Variants in EIF3H observed in about 807,000 individuals in gnomAD.
EIF3H encodes eIF-3-gamma.
EIF3H carries 26 observed loss-of-function variants against 44.2 expected under a neutral mutation model. The ratio of observed to expected loss-of-function variants is 0.59; its 90% CI spans 0.43 to 0.82. EIF3H has a LOEUF of 0.82. Ranked by LOEUF, EIF3H falls within the 40% of genes least tolerant of loss-of-function variation. EIF3H has a pLI of 0.00. For synonymous variants in EIF3H, 166 were observed against 151.9 expected (o/e 1.09, Z -0.68); for missense variants, 359 against 432.8 (o/e 0.83, Z 1.51).
intron 5 of EIF3H, among the ~76,000 whole-genome samples, chr8:116,650,668 CTCTTT>C (rs1813373431): frequency 6.6e-6 from 1 of 152,064 alleles, no homozygotes. Flanking sequence ...TATTGTAGGA[CTCTTT>C]TCTTTTTTTT....
chr8:116,708,169 C>A (rs1033579052), intron 2 of EIF3H, among the ~76,000 whole-genome samples: 1 of 151,836 alleles, frequency 6.6e-6, no homozygotes, highest in Non-Finnish European at 1.5e-5. Flanking sequence ...TAAGTTACAC[C>A]GGAATTTGGA....
At chr8:116,728,051 A>G (rs541299675) in intron 1 of EIF3H, among the ~76,000 whole-genome samples, 46 of 152,302 alleles carry the variant, frequency 3.0e-4, no homozygotes, top group South Asian at 8.3e-4. Context: ...AAATTACAAC[A>G]CATGGCTTTT....
intron 7 of EIF3H, 130 bp from the exon 8 acceptor site, chr8:116,645,233 T>G: frequency 1.5e-6 from 1 of 678,268 alleles, no homozygotes; most frequent in Non-Finnish European, 2.5e-6. Flanking sequence ...AGAGTTTATT[T>G]TTCCATAAGG....
chr8:116,678,203 C>G (rs1260388560), intron 2 of EIF3H, among the ~76,000 whole-genome samples: 4 of 151,788 alleles, frequency 2.6e-5, no homozygotes, highest in South Asian at 2.1e-4. Context: ...CTGTGTTGGC[C>G]GGGCTGGTCT....
At position 116,657,299 on chromosome 8, in the gene EIF3H, G is replaced by C; in HGVS notation, c.473C>G (p.Ala158Gly). 1 of 1,613,178 alleles carries C rather than the reference G, an allele frequency of 6.2e-7. No individual in the cohort carries two copies. The change falls in exon 4 of 8, where the codon GCC becomes GGC. Residue 158 changes from alanine (A) to glycine (G), a missense_variant. Around this residue, in one of 5 missense-constraint regions of EIF3H, gnomAD observed 85 missense variants for 79.2 expected, o/e 1.07. Coordinates refer to ENST00000521861, the MANE Select transcript of EIF3H (RefSeq NM_003756.3). ...VVLIYDPIKT[A>G]QGSLSLKAYR... The stretch of plus-strand genomic sequence containing the variant: ...TGCCTTTAGTGAGAGAGATCCTTGG[G>C]CAGTTTTTATGGGATCTCAAACAAG...
At chr8:116,692,332 T>C (rs778776779) in intron 2 of EIF3H, among the ~76,000 whole-genome samples, 51 of 152,096 alleles carry the variant, frequency 3.4e-4, no homozygotes, top group Admixed American at 3.1e-3. Flanking sequence ...TTCCTCTCAA[T>C]AGAAAATTCT....
intron 1 of EIF3H, among the ~76,000 whole-genome samples, chr8:116,730,945 G>C (rs1814941219): frequency 6.6e-6 from 1 of 152,242 alleles, no homozygotes; most frequent in African/African-American, 2.4e-5. Context: ...TAAGCTGACA[G>C]GGAATTTAGC....
chr8:116,730,614 GTA>G (rs1325308487), intron 1 of EIF3H, among the ~76,000 whole-genome samples: 1 of 152,150 alleles, frequency 6.6e-6, no homozygotes, highest in African/African-American at 2.4e-5. Flanking sequence ...AATTTGCCAT[GTA>G]TATATATTTC....
intron 2 of EIF3H, among the ~76,000 whole-genome samples, chr8:116,692,360 T>A (rs1275787170): frequency 6.6e-6 from 1 of 152,096 alleles, no homozygotes; most frequent in Non-Finnish European, 1.5e-5. Context: ...TTTAAAAGAT[T>A]ATATATTTAC....
At chr8:116,697,458 GA>G (rs1469680857) in intron 2 of EIF3H, among the ~76,000 whole-genome samples, 5 of 152,106 alleles carry the variant, frequency 3.3e-5, no homozygotes, top group African/African-American at 1.2e-4. Context: ...TGGGAACAAA[GA>G]AGTCCAGTCC....
At chr8:116,764,232 C>G (rs1467953341) in intron 1 of EIF3H, among the ~76,000 whole-genome samples, 1 of 151,884 alleles carries the variant, frequency 6.6e-6, no homozygotes, top group Non-Finnish European at 1.5e-5. Context: ...AGTATAAGGT[C>G]AAAAAAATTT....
At chr8:116,684,206 C>A (rs1814036799) in intron 2 of EIF3H, among the ~76,000 whole-genome samples, 1 of 152,194 alleles carries the variant, frequency 6.6e-6, no homozygotes, top group African/African-American at 2.4e-5. Context: ...AAGAGATGCT[C>A]TTATACAACC....
At chr8:116,752,718 A>AG (rs527475945) in intron 1 of EIF3H, among the ~76,000 whole-genome samples, 110 of 121,948 alleles carry the variant, frequency 9.0e-4, no homozygotes, top group African/African-American at 2.0e-3. Flanking sequence ...GAAAGAAAGA[A>AG]AGAAAGAAAG....
chr8:116,711,125 A>G (rs1814566865), intron 2 of EIF3H, among the ~76,000 whole-genome samples: 1 of 152,228 alleles, frequency 6.6e-6, no homozygotes, highest in Non-Finnish European at 1.5e-5. Context: ...GTTGCCCAGA[A>G]GATGAGGAGA....
In EIF3H at chr8:116,644,983, T is replaced by G; in HGVS notation, c.*23A>C. On this transcript the variant is annotated 3_prime_UTR_variant, in exon 8 of 8. Coordinates refer to ENST00000521861, the MANE Select transcript of EIF3H (RefSeq NM_003756.3). ...GTGACTTCAAGAGTTCATGTTAACT[T>G]CTTTTCTGGAAACTTCCTTTTCTTA... 6.3e-7 allele frequency: 1 copy of G among 1,586,084 alleles called. No homozygotes were observed. The highest frequency in any genetic ancestry group is 8.7e-7 in the Non-Finnish European group (1 of 1,155,402).
At chr8:116,693,102 C>T (rs947833990) in intron 2 of EIF3H, among the ~76,000 whole-genome samples, 3 of 152,146 alleles carry the variant, frequency 2.0e-5, no homozygotes, top group Non-Finnish European at 4.4e-5. Context: ...TGTTATCCTT[C>T]CTGAACCCTA....
chr8:116,763,249 G>A (rs779922803), intron 1 of EIF3H, among the ~76,000 whole-genome samples: 21 of 152,020 alleles, frequency 1.4e-4, no homozygotes, highest in Non-Finnish European at 2.8e-4. Flanking sequence ...ATTCAATTTC[G>A]CATAACAGAG....
intron 2 of EIF3H, among the ~76,000 whole-genome samples, chr8:116,702,794 T>C (rs1351293738): frequency 2.6e-5 from 4 of 152,130 alleles, no homozygotes; most frequent in South Asian, 4.1e-4. Context: ...TTAAAAACCT[T>C]AGAAATCATT....
intron 5 of EIF3H, among the ~76,000 whole-genome samples, chr8:116,655,100 A>T (rs1813467277): frequency 6.6e-6 from 1 of 151,988 alleles, no homozygotes; most frequent in Admixed American, 6.6e-5. Flanking sequence ...ACCACAGACA[A>T]AATAATCACT....
Sources: allele counts gnomAD v4.1 joint callset (sites outside exome capture counted in the v4.1 genomes callset), GRCh38; gene constraint gnomAD v4.1.1; regional missense constraint gnomAD v4.1.1; transcripts MANE v1.5; gene names NCBI Gene and HGNC (gene_info 2026-07-23, HGNC 2026-07-21).